GTSE1: variants seen among roughly 807,000 people sequenced by gnomAD.
GTSE1 encodes G2 and S phase-expressed protein 1.
Under a neutral mutation model 60.5 loss-of-function variants are expected in GTSE1, and 52 were observed. The observed-to-expected ratio is 0.86, with a 90% confidence interval of 0.69 to 1.08. The LOEUF (loss-of-function observed/expected upper bound fraction) is 1.08. Ranked by LOEUF, GTSE1 falls within the 50% of genes least tolerant of loss-of-function variation. The probability of loss-of-function intolerance (pLI) is 0.00; values close to 1 mark genes in which losing one functional copy is unlikely to be tolerated. For synonymous variants in GTSE1, 368 were observed against 386.5 expected (o/e 0.95, Z 0.56); for missense variants, 937 against 961.8 (o/e 0.97, Z 0.34).
chr22:46,310,983 C>CA lies in GTSE1; in HGVS notation c.763-1157dup, dbSNP rs1339978736. 2.0e-5 allele frequency among the ~76,000 whole-genome samples: 3 copies of CA among 151,952 alleles called. No homozygotes were observed. Among genetic ancestry groups the CA allele is most frequent in the African/African-American group, 7.3e-5 (3 of 41,352 alleles). Reference sequence around the variant, plus strand: ...TGAAATGACTATGACAGGCCAATGACAGAGGCGTGGTTGAGTGCTTCCCTA... The same window carrying CA: ...TGAAATGACTATGACAGGCCAATGACAAGAGGCGTGGTTGAGTGCTTCCCTA... On this transcript the variant is annotated intron_variant, in intron 4 of 11. Coordinates refer to ENST00000454366, the MANE Select transcript of GTSE1 (RefSeq NM_016426.7). The surrounding 1 kb of genome is among the most constrained non-coding windows in gnomAD (Gnocchi z 4.4).
At chr22:46,323,147 CT>C (rs754872184) in intron 7 of GTSE1, 42 bp from the exon 8 acceptor site, 14 of 1,314,432 alleles carry the variant, frequency 1.1e-5, no homozygotes, top group East Asian at 6.9e-5. Flanking sequence ...AGGTCTCCCC[CT>C]GATCACTTTA....
chr22:46,310,989 C>T lies in GTSE1; in HGVS notation c.763-1152C>T, dbSNP rs527608807. Among the ~76,000 whole-genome samples, 383 of 151,748 alleles carry T rather than the reference C, an allele frequency of 2.5e-3. No individual in the cohort carries two copies. Among genetic ancestry groups the T allele is most frequent in the Non-Finnish European group, 3.8e-3 (259 of 67,974 alleles). On this transcript the variant is annotated intron_variant, in intron 4 of 11. Transcript: ENST00000454366. The surrounding 1 kb of genome is among the most constrained non-coding windows in gnomAD (Gnocchi z 4.4). ...GACTATGACAGGCCAATGACAGAGG[C>T]GTGGTTGAGTGCTTCCCTAGGTGGG...
At chr22:46,302,089 C>T (rs1433999537) in intron 2 of GTSE1, among the ~76,000 whole-genome samples, 4 of 152,120 alleles carry the variant, frequency 2.6e-5, no homozygotes. Flanking sequence ...CGCGCCATTG[C>T]ACTCCAGCCT....
At chr22:46,299,775 CTCTTT>C (rs960157831) in intron 2 of GTSE1, among the ~76,000 whole-genome samples, 6 of 152,004 alleles carry the variant, frequency 3.9e-5, no homozygotes, top group South Asian at 2.1e-4. Context: ...GATTATAAAG[CTCTTT>C]TCTTTTCTTT....
rs1284104227 is a variant in GTSE1, at chr22:46,310,987, G to A, written c.763-1154G>A. Among the ~76,000 whole-genome samples the A allele has an allele frequency of 6.6e-6, 1 of 152,142 alleles. No individual in the cohort carries two copies. The highest frequency in any genetic ancestry group is 1.5e-5 in the Non-Finnish European group (1 of 68,036). ...ATGACTATGACAGGCCAATGACAGA[G>A]GCGTGGTTGAGTGCTTCCCTAGGTG... On this transcript the variant is annotated intron_variant, in intron 4 of 11. Coordinates refer to ENST00000454366, the MANE Select transcript of GTSE1 (RefSeq NM_016426.7). This position sits in a 1 kb window ranked among gnomAD's most constrained non-coding sequence, Gnocchi z 4.4.
intron 2 of GTSE1, among the ~76,000 whole-genome samples, chr22:46,301,296 C>T (rs879562299): frequency 1.3e-5 from 2 of 152,090 alleles, no homozygotes; most frequent in Admixed American, 6.6e-5. Flanking sequence ...CTTGCTGGGT[C>T]GAAGAGGGTG....
chr22:46,307,493 G>C lies in GTSE1; in HGVS notation c.80-657G>C, dbSNP rs552861336. Among the ~76,000 whole-genome samples, 120 of 151,220 alleles carry C rather than the reference G, an allele frequency of 7.9e-4. 1 individual carries two copies. The highest frequency in any genetic ancestry group is 1.3e-3 in the Non-Finnish European group (90 of 67,880). On this transcript the variant is annotated intron_variant, in intron 2 of 11. Transcript: ENST00000454366. Reference sequence around the variant, plus strand: ...GCTTTTGGGTGGCTTAGTGAACATAGAATGGCTGATGTAATTTCTTTTTTT... The same window carrying C: ...GCTTTTGGGTGGCTTAGTGAACATACAATGGCTGATGTAATTTCTTTTTTT...
rs945036715 is a variant in GTSE1, at chr22:46,317,542, T to C, written c.1432+1130T>C. Among the ~76,000 whole-genome samples, 2 of 152,230 alleles carry C rather than the reference T, an allele frequency of 1.3e-5. No homozygotes were observed. The highest frequency in any genetic ancestry group is 2.9e-5 in the Non-Finnish European group (2 of 68,032). On this transcript the variant is annotated intron_variant, in intron 7 of 11. Transcript: ENST00000454366. This position sits in a 1 kb window ranked among gnomAD's most constrained non-coding sequence, Gnocchi z 5.6. ...TTGTTTCCGGGTTTTGGCCTCATTT[T>C]CCTGCCTCTACATTTTTCACAAGTT...
At chr22:46,312,027 G>A in intron 4 of GTSE1, 114 bp from the exon 5 acceptor site, 1 of 779,402 alleles carries the variant, frequency 1.3e-6, no homozygotes, top group Non-Finnish European at 2.1e-6. Flanking sequence ...GAATGGAGGG[G>A]CATGTGTAGC....
At chr22:46,325,552 G>A (rs369990692) in intron 8 of GTSE1, among the ~76,000 whole-genome samples, 1 of 152,192 alleles carries the variant, frequency 6.6e-6, no homozygotes, top group African/African-American at 2.4e-5. Flanking sequence ...CTGGAGTGCA[G>A]TAGTGCAATC....
In GTSE1 at chr22:46,312,251, G is replaced by A. The variant is rs150217285; in HGVS notation, c.873G>A (p.Pro291=). The change falls in exon 5 of 12, where the codon CCG becomes CCA. Residue 291 remains proline, a synonymous_variant. Coordinates refer to ENST00000454366, the MANE Select transcript of GTSE1 (RefSeq NM_016426.7). The part of the protein sequence containing the change: ...DKPAPGAVNV[P]AAGSHLGQGK... ...CTGCCCCGGGTGCTGTCAATGTGCC[G>A]GCCGCCGGAAGCCACTTGGGCCAGG... is the stretch of plus-strand genomic sequence containing the variant. 2.0e-4 allele frequency: 325 copies of A among 1,614,038 alleles called. 7 individuals carry two copies. In the South Asian group the frequency reaches 3.2e-3, roughly 16 times the overall value.
chr22:46,313,911 T>C lies in GTSE1; in HGVS notation c.949T>C (p.Leu317=), dbSNP rs1239824327. The change falls in exon 6 of 12, where the codon TTA becomes CTA. Residue 317 remains leucine (L), a synonymous_variant. Transcript: ENST00000454366. The surrounding 1 kb of genome is among the most constrained non-coding windows in gnomAD (Gnocchi z 4.4). The part of the protein sequence containing the change: ...PNKLGLKKTL[L]KAPGSTSNLA... Reference sequence around the variant, plus strand: ...CCAGTTGGGGCTGAAGAAGACCCTGTTAAAAGCACCCGGCTCTACCAGCAA... The same window carrying C: ...CCAGTTGGGGCTGAAGAAGACCCTGCTAAAAGCACCCGGCTCTACCAGCAA... The C allele has an allele frequency of 3.1e-6, 5 of 1,614,192 alleles. No homozygotes were observed. In the Admixed American group the frequency reaches 8.3e-5, roughly 27 times the overall value.
rs1191912417 is a variant in GTSE1 at position 46,316,147 on chromosome 22, T to C, written c.1167T>C (p.Pro389=). The change falls in exon 7 of 12, where the codon CCT becomes CCC. Residue 389 remains proline, a synonymous_variant. Coordinates refer to ENST00000454366, the MANE Select transcript of GTSE1 (RefSeq NM_016426.7). This position sits in a 1 kb window ranked among gnomAD's most constrained non-coding sequence, Gnocchi z 5.0. ...AMLRPALPAG[P]VGASSWQAKR... is the part of the protein sequence containing the mutation. ...TGCGGCCAGCTCTGCCTGCAGGCCC[T>C]GTGGGGGCATCCTCCTGGCAGGCCA... The C allele has an allele frequency of 6.2e-7, 1 of 1,611,496 alleles. No homozygotes were observed. Among genetic ancestry groups the C allele is most frequent in the Admixed American group, 1.7e-5 (1 of 59,846 alleles).
intron 9 of GTSE1, 126 bp downstream of exon 9, chr22:46,326,780 TG>T: frequency 1.6e-6 from 1 of 635,642 alleles, no homozygotes; most frequent in East Asian, 3.0e-5. Flanking sequence ...AAAGTTTGTT[TG>T]TTTTTTTTTT....
chr22:46,311,329 C>T lies in GTSE1; in HGVS notation c.763-812C>T, dbSNP rs141028009. On this transcript the variant is annotated intron_variant, in intron 4 of 11. Transcript: ENST00000454366. ...CTGGCCTCAGGTGATCTGCCCGCCT[C>T]GGCCTCACAAAGTGCTGGGATTACA... 5.3e-3 allele frequency among the ~76,000 whole-genome samples: 811 copies of T among 152,292 alleles called. 8 individuals carry two copies. The highest frequency in any genetic ancestry group is 0.018 in the African/African-American group (761 of 41,566).
Position 46,308,840 on chromosome 22 carries a change from A to G in GTSE1, c.659A>G (p.His220Arg). The G allele has an allele frequency of 6.2e-7, 1 of 1,613,306 alleles. No individual in the cohort carries two copies. The highest frequency in any genetic ancestry group is 8.5e-7 in the Non-Finnish European group (1 of 1,180,034). ...TTGCCCAGGGAATCATGCACTGCTCATGCTGCAAGTCAGGCAGCGACTCAG... is the reference window on the plus strand; with the variant it reads ...TTGCCCAGGGAATCATGCACTGCTCGTGCTGCAAGTCAGGCAGCGACTCAG... The part of the protein sequence containing the change: ...HALPRESCTA[H>R]AASQAATQRK... Residue 220 changes from histidine (H) to arginine (R), a missense_variant, in exon 4 of 12, where the codon CAT becomes CGT. Coordinates refer to ENST00000454366, the MANE Select transcript of GTSE1 (RefSeq NM_016426.7).
At chr22:46,322,227 G>A (rs912051637) in intron 7 of GTSE1, among the ~76,000 whole-genome samples, 1 of 152,120 alleles carries the variant, frequency 6.6e-6, no homozygotes, top group Admixed American at 6.5e-5. Flanking sequence ...TTAAGATGGA[G>A]GGCCCAGCAG....
At chr22:46,301,080 A>T (rs1312126560) in intron 2 of GTSE1, among the ~76,000 whole-genome samples, 1 of 152,206 alleles carries the variant, frequency 6.6e-6, no homozygotes, top group African/African-American at 2.4e-5. Flanking sequence ...ACACATGAAG[A>T]GCATTACTAG....
At chr22:46,298,033 A>G (rs1441867730) in intron 2 of GTSE1, among the ~76,000 whole-genome samples, 2 of 150,816 alleles carry the variant, frequency 1.3e-5, no homozygotes, top group Non-Finnish European at 3.0e-5. Context: ...CGTGATCTGT[A>G]CTCACTGCAA....
Sources: allele counts gnomAD v4.1 joint callset (sites outside exome capture counted in the v4.1 genomes callset), GRCh38; gene constraint gnomAD v4.1.1; non-coding constraint Gnocchi (gnomAD v3.1); transcripts MANE v1.5; gene names NCBI Gene and HGNC (gene_info 2026-07-23, HGNC 2026-07-21).